The following CUEDC2 variants were observed in gnomAD, a reference collection of about 807,000 sequenced individuals.
CUEDC2 encodes the protein CUE domain containing 2, also known as CUE domain-containing protein 2.
A neutral mutation model predicts 36.0 loss-of-function variants in CUEDC2; 10 were observed. The ratio of observed to expected loss-of-function variants is 0.28; its 90% confidence interval spans 0.17 to 0.47. CUEDC2 has a LOEUF of 0.47. CUEDC2 is among the 20% of genes least tolerant of loss of function. CUEDC2 has a pLI of 0.99. For synonymous variants in CUEDC2, 133 were observed against 141.8 expected, an observed-to-expected ratio of 0.94 and a Z score of 0.44; for missense variants, 269 against 368.1, an observed-to-expected ratio of 0.73 and a Z score of 2.20.
chr10:102,425,162 T>C lies in CUEDC2; in HGVS notation c.27A>G (p.Ala9=), dbSNP rs1400151284. MELERIVS[A]ALLAFVQTHL... Reference sequence around the variant, plus strand: ...GTGTCTGGACAAAGGCAAGGAGGGCTGCACTGACGATCCTCTCCAGCTCCA... The same window carrying C: ...GTGTCTGGACAAAGGCAAGGAGGGCCGCACTGACGATCCTCTCCAGCTCCA... Residue 9 remains alanine, a synonymous_variant, in exon 2 of 9, where the codon GCA becomes GCG. Coordinates refer to ENST00000369937, the MANE Select transcript of CUEDC2 (RefSeq NM_024040.3). 1.9e-6 allele frequency: 3 copies of C among 1,613,914 alleles called. No individual in the cohort carries two copies. Among genetic ancestry groups the C allele is most frequent in the Non-Finnish European group, 2.5e-6 (3 of 1,179,954 alleles).
chr10:102,431,162 C>T (rs564973487), intron 1 of CUEDC2, among the ~76,000 whole-genome samples: 4 of 152,304 alleles, frequency 2.6e-5, no homozygotes, highest in East Asian at 1.9e-4. Flanking sequence ...ATTTTTGAGA[C>T]GGAGTCTCGC....
At chr10:102,425,063 G>A (rs369284645) in intron 2 of CUEDC2, 52 bp downstream of exon 2, 144 of 1,497,018 alleles carry the variant, frequency 9.6e-5, no homozygotes, top group Middle Eastern at 3.4e-4. Flanking sequence ...AGTACTGCCC[G>A]GCAGCTCCAG....
chr10:102,424,898 G>A lies in CUEDC2; in HGVS notation c.75-106C>T, dbSNP rs901279077. Reference sequence around the variant, plus strand: ...TCAGCTTCATGGGGTCTATGAGCTAGACCTTTATCTTTAAGGCCAGAGAGT... The same window carrying A: ...TCAGCTTCATGGGGTCTATGAGCTAAACCTTTATCTTTAAGGCCAGAGAGT... On this transcript the variant is annotated intron_variant, in intron 2 of 8. Coordinates refer to ENST00000369937, the MANE Select transcript of CUEDC2 (RefSeq NM_024040.3). This position sits in a 1 kb window ranked among gnomAD's most constrained non-coding sequence, Gnocchi z 4.2. The A allele has an allele frequency of 3.4e-5, 43 of 1,261,014 alleles. No homozygotes were observed. The highest frequency in any genetic ancestry group is 4.1e-5 in the Non-Finnish European group (37 of 904,198). 78.1% of individuals were successfully genotyped at this position (1,261,014 alleles called of 1,614,324 possible).
Position 102,423,629 on chromosome 10 carries a change from C to T in CUEDC2, c.717+28G>A, listed in dbSNP as rs1252398686. On this transcript the variant is annotated intron_variant, in intron 8 of 8. Coordinates refer to ENST00000369937, the MANE Select transcript of CUEDC2 (RefSeq NM_024040.3). The surrounding 1 kb of genome is among the most constrained non-coding windows in gnomAD (Gnocchi z 5.6). ...CCAGGAGCCAGTCCCACCCATTCCG[C>T]ATCCCCAGCAACCCTTAACTCTCTC... 1 of 1,614,192 alleles carries T rather than the reference C, an allele frequency of 6.2e-7. No homozygotes were observed. Among genetic ancestry groups the T allele is most frequent in the East Asian group, 2.2e-5 (1 of 44,888 alleles).
chr10:102,430,147 TTTTATTTA>T (rs71016380), intron 1 of CUEDC2, among the ~76,000 whole-genome samples: 54 of 120,476 alleles, frequency 4.5e-4, no homozygotes, highest in African/African-American at 1.5e-3. Context: ...TTTTTTTTAA[TTTTATTTA>T]TTTATTTATT....
At position 102,425,162 on chromosome 10, in the gene CUEDC2, T is replaced by G. The variant is rs1400151284; in HGVS notation, c.27A>C (p.Ala9=). 1.9e-6 allele frequency: 3 copies of G among 1,613,796 alleles called. No homozygotes were observed. In the African/African-American group the frequency reaches 4.0e-5, roughly 22 times the overall value. ...GTGTCTGGACAAAGGCAAGGAGGGC[T>G]GCACTGACGATCCTCTCCAGCTCCA... MELERIVS[A]ALLAFVQTHL... Residue 9 remains alanine, a synonymous_variant, in exon 2 of 9, where the codon GCA becomes GCC. Coordinates refer to ENST00000369937, the MANE Select transcript of CUEDC2 (RefSeq NM_024040.3).
At position 102,424,448 on chromosome 10, in the gene CUEDC2, T is replaced by C. The variant is rs776387931; in HGVS notation, c.280+51A>G. 6.2e-6 allele frequency: 10 copies of C among 1,614,054 alleles called. No individual in the cohort carries two copies. Among genetic ancestry groups the C allele is most frequent in the East Asian group, 2.2e-5 (1 of 44,876 alleles). On this transcript the variant is annotated intron_variant, in intron 4 of 8. Transcript: ENST00000369937. The surrounding 1 kb of genome is among the most constrained non-coding windows in gnomAD (Gnocchi z 4.2). ...TGCCAAGGCTCTGGGGAGCAGGCAGTTGGGGGAGCGGGATTATGAATCACT... is the reference window on the plus strand; with the variant it reads ...TGCCAAGGCTCTGGGGAGCAGGCAGCTGGGGGAGCGGGATTATGAATCACT...
At position 102,423,414 on chromosome 10, in the gene CUEDC2, C is replaced by T. The variant is rs780208468; in HGVS notation, c.*12G>A. ...TGAGCCTAGAAGGCTCGGGCAGAGTCCGGCGAGTGCCTCAATGGAAGCGGT... is the reference window on the plus strand; with the variant it reads ...TGAGCCTAGAAGGCTCGGGCAGAGTTCGGCGAGTGCCTCAATGGAAGCGGT... On this transcript the variant is annotated 3_prime_UTR_variant, in exon 9 of 9. Coordinates refer to ENST00000369937, the MANE Select transcript of CUEDC2 (RefSeq NM_024040.3). This position sits in a 1 kb window ranked among gnomAD's most constrained non-coding sequence, Gnocchi z 5.6. 2.5e-6 allele frequency: 4 copies of T among 1,614,166 alleles called. No individual in the cohort carries two copies. In the South Asian group the frequency reaches 4.4e-5, roughly 18 times the overall value.
At position 102,424,998 on chromosome 10, in the gene CUEDC2, C is replaced by A; in HGVS notation, c.74+117G>T. On this transcript the variant is annotated intron_variant, in intron 2 of 8. Transcript: ENST00000369937. This position sits in a 1 kb window ranked among gnomAD's most constrained non-coding sequence, Gnocchi z 4.2. ...ACAGGGACAGGATGAGAGGTAAGGC[C>A]TCTCAGCAAATCCTAGTCAGCCCTC... is the stretch of plus-strand genomic sequence containing the variant. The A allele has an allele frequency of 2.0e-6, 2 of 1,011,054 alleles. No homozygotes were observed. Among genetic ancestry groups the A allele is most frequent in the Non-Finnish European group, 3.0e-6 (2 of 669,700 alleles). The allele number at this position is 1,011,054 out of a possible 1,614,324, so 62.6% of individuals were successfully genotyped here.
Position 102,424,650 on chromosome 10 carries a change from T to C in CUEDC2, c.217A>G (p.Arg73Gly), listed in dbSNP as rs748506038. ...AYVPGFAHIP[R>G]GTIGDMMQKL... The stretch of plus-strand genomic sequence containing the variant: ...CTCCTGGCCCTAGCCAGAACCTACC[T>C]GGGGATGTGGGCGAAGCCAGGCACA... Residue 73 changes from arginine (R) to glycine (G), a missense_variant and splice_region_variant, in exon 3 of 9, where the codon AGG becomes GGG. Arg to Gly is a moderately radical substitution (Grantham distance 125). Coordinates refer to ENST00000369937, the MANE Select transcript of CUEDC2 (RefSeq NM_024040.3). The surrounding 1 kb of genome is among the most constrained non-coding windows in gnomAD (Gnocchi z 4.2). The C allele has an allele frequency of 1.7e-4, 275 of 1,614,022 alleles. No individual in the cohort carries two copies. Among genetic ancestry groups the C allele is most frequent in the Non-Finnish European group, 2.2e-4 (254 of 1,180,012 alleles).
In CUEDC2 at chr10:102,423,420, A is replaced by C; in HGVS notation, c.*6T>G. ...TAGAAGGCTCGGGCAGAGTCCGGCG[A>C]GTGCCTCAATGGAAGCGGTACTTTC... On this transcript the variant is annotated 3_prime_UTR_variant, in exon 9 of 9. Transcript: ENST00000369937. This position sits in a 1 kb window ranked among gnomAD's most constrained non-coding sequence, Gnocchi z 5.6. 1.9e-6 allele frequency: 3 copies of C among 1,614,200 alleles called. No homozygotes were observed. In the South Asian group the frequency reaches 3.3e-5, roughly 18 times the overall value.
chr10:102,425,636 C>A (rs1024183090), intron 1 of CUEDC2, among the ~76,000 whole-genome samples: 2 of 151,922 alleles, frequency 1.3e-5, no homozygotes, highest in African/African-American at 2.4e-5. Context: ...ACAGCCCTTC[C>A]CCCACCCAGA....
rs565689522 is a variant in CUEDC2 at position 102,428,469 on chromosome 10, C to G, written c.-10-3271G>C. On this transcript the variant is annotated intron_variant, in intron 1 of 8. Transcript: ENST00000369937. ...ATGTCAACAAGTATGTATTGAGCAC[C>G]TAGCCAGCACGGGCATTTTTCTAGG... Among the ~76,000 whole-genome samples the G allele has an allele frequency of 2.2e-3, 338 of 152,290 alleles. 3 individuals carry two copies. The highest frequency in any genetic ancestry group is 0.017 in the Middle Eastern group (5 of 294).
intron 1 of CUEDC2, among the ~76,000 whole-genome samples, chr10:102,426,630 T>C (rs1285355527): frequency 1.3e-5 from 2 of 152,056 alleles, no homozygotes; most frequent in East Asian, 3.9e-4. Context: ...TCCACCAAAA[T>C]TTCTTCTTTT....
In CUEDC2 at chr10:102,424,409, G is replaced by A. The variant is rs1243464635; in HGVS notation, c.281-15C>T. 1 of 1,613,694 alleles carries A rather than the reference G, an allele frequency of 6.2e-7. No individual in the cohort carries two copies. The highest frequency in any genetic ancestry group is 1.3e-5 in the African/African-American group (1 of 74,918). On this transcript the variant is annotated splice_polypyrimidine_tract_variant and intron_variant, in intron 4 of 8. Transcript: ENST00000369937. This position sits in a 1 kb window ranked among gnomAD's most constrained non-coding sequence, Gnocchi z 4.2. ...TTGCAGGTTCTCTTAAAGAGGCAAAGAGAGCATCAGGTTTGCCAAGGCTCT... is the reference window on the plus strand; with the variant it reads ...TTGCAGGTTCTCTTAAAGAGGCAAAAAGAGCATCAGGTTTGCCAAGGCTCT...
intron 1 of CUEDC2, among the ~76,000 whole-genome samples, chr10:102,427,279 C>T (rs2061600618): frequency 6.6e-6 from 1 of 152,170 alleles, no homozygotes; most frequent in Admixed American, 6.6e-5. Context: ...AGCGCTCTCT[C>T]TCTCTCTGGA....
intron 2 of CUEDC2, 27 bp downstream of exon 2, chr10:102,425,088 T>G (rs773375208): frequency 2.5e-6 from 4 of 1,598,714 alleles, no homozygotes; most frequent in Middle Eastern, 1.7e-4. Flanking sequence ...AGCACTGACA[T>G]GAGCCTTCCG....
At chr10:102,426,741 C>G (rs568930165) in intron 1 of CUEDC2, among the ~76,000 whole-genome samples, 53 of 152,108 alleles carry the variant, frequency 3.5e-4, no homozygotes, top group Non-Finnish European at 6.9e-4. Flanking sequence ...AAGCCATCCT[C>G]CTGCCTTAGC....
chr10:102,424,589 ACT>A lies in CUEDC2; in HGVS notation c.219-31_219-30del, dbSNP rs756262802. 1.9e-5 allele frequency: 31 copies of A among 1,613,888 alleles called. No homozygotes were observed. In the Admixed American group the frequency reaches 3.2e-4, roughly 16 times the overall value. ...AAAAGATGAGGGCAGTGAGAGGATGACTCTGCCCACCCCATAATCAGCCAGCC... is the reference window on the plus strand; with the variant it reads ...AAAAGATGAGGGCAGTGAGAGGATGACTGCCCACCCCATAATCAGCCAGCC... On this transcript the variant is annotated intron_variant, in intron 3 of 8. Transcript: ENST00000369937. The surrounding 1 kb of genome is among the most constrained non-coding windows in gnomAD (Gnocchi z 4.2).
Sources: allele counts gnomAD v4.1 joint callset (sites outside exome capture counted in the v4.1 genomes callset), GRCh38; gene constraint gnomAD v4.1.1; non-coding constraint Gnocchi (gnomAD v3.1); transcripts MANE v1.5; gene names NCBI Gene and HGNC (gene_info 2026-07-23, HGNC 2026-07-21).